ADARB2: variants seen among roughly 807,000 people sequenced by gnomAD.
ADARB2 encodes inactive double-stranded RNA-specific editase B2.
In ADARB2, 25 loss-of-function variants were observed where a neutral mutation model predicts 62.2. The ratio of observed to expected loss-of-function variants is 0.40; its 90% CI spans 0.29 to 0.56. ADARB2 has a LOEUF of 0.56. Among genes scored for constraint, ADARB2 ranks in the 20% least tolerant of loss-of-function variants. The pLI, the probability that ADARB2 is intolerant of heterozygous loss-of-function variation, is 0.43. For synonymous variants in ADARB2, 572 were observed against 500.8 expected, an observed-to-expected ratio of 1.14 and a Z score of -1.90; for missense variants, 1,071 against 1,077.4, an observed-to-expected ratio of 0.99 and a Z score of 0.08.
At chr10:1,362,985 C>T in intron 3 of ADARB2, 43 bp downstream of exon 3, 1 of 1,285,842 alleles carries the variant, frequency 7.8e-7, no homozygotes, top group Non-Finnish European at 9.9e-7. Flanking sequence ...TCCCCCGCGC[C>T]CCCAGCGCCG....
intron 1 of ADARB2, among the ~76,000 whole-genome samples, chr10:1,443,618 T>C (rs905000393): frequency 1.3e-5 from 2 of 152,168 alleles, no homozygotes; most frequent in Non-Finnish European, 2.9e-5. Context: ...TTTAAGACTA[T>C]TAAGACATTA....
intron 1 of ADARB2, among the ~76,000 whole-genome samples, chr10:1,578,146 C>G (rs1335886227): frequency 6.6e-6 from 1 of 152,172 alleles, no homozygotes. Flanking sequence ...CTTCACCACC[C>G]CATAGGATGG....
At chr10:1,687,289 G>A (rs926467014) in intron 1 of ADARB2, among the ~76,000 whole-genome samples, 7 of 152,156 alleles carry the variant, frequency 4.6e-5, no homozygotes, top group Non-Finnish European at 7.3e-5. Context: ...GCCTCCCAAA[G>A]TGCTGGGATT....
chr10:1,354,951 G>A (rs961407154), intron 3 of ADARB2, among the ~76,000 whole-genome samples: 4 of 152,166 alleles, frequency 2.6e-5, no homozygotes, highest in African/African-American at 4.8e-5. Flanking sequence ...TACCCAAGGC[G>A]GCACCAGCCC....
chr10:1,271,102 G>A, intron 3 of ADARB2, 33 bp from the exon 4 acceptor site: 3 of 1,579,584 alleles, frequency 1.9e-6, no homozygotes, highest in Non-Finnish European at 2.6e-6. Flanking sequence ...TCCACGTTGG[G>A]CTGAGCAGGT....
chr10:1,723,800 C>A (rs1480951701), intron 1 of ADARB2, among the ~76,000 whole-genome samples: 1 of 152,178 alleles, frequency 6.6e-6, no homozygotes, highest in Non-Finnish European at 1.5e-5. Flanking sequence ...GCAAAGACAT[C>A]AAGGGGAACC....
chr10:1,566,037 TCTC>T (rs2131989149), intron 1 of ADARB2, among the ~76,000 whole-genome samples: 1 of 143,164 alleles, frequency 7.0e-6, no homozygotes, highest in Admixed American at 7.1e-5. Flanking sequence ...CATCGTTACT[TCTC>T]CTCTAGGTTG....
At chr10:1,399,592 A>G (rs112677495) in intron 1 of ADARB2, among the ~76,000 whole-genome samples, 2,897 of 152,268 alleles carry the variant, frequency 0.019, 40 homozygotes, top group Middle Eastern at 0.044. Flanking sequence ...GTGCTGAGAT[A>G]CAAGAGGGGG....
Position 1,478,321 on chromosome 10 carries a change from G to A in ADARB2, c.101-99161C>T, listed in dbSNP as rs140887752. Among the ~76,000 whole-genome samples, 47 of 152,318 alleles carry A rather than the reference G, an allele frequency of 3.1e-4. 1 individual carries two copies. The East Asian group carries it at 6.6e-3, about 21-fold the overall frequency. On this transcript the variant is annotated intron_variant, in intron 1 of 9. Transcript: ENST00000381312. The stretch of plus-strand genomic sequence containing the variant: ...TGGGTCTTCTGTGTCTCAACCTGGC[G>A]TTGGCACACGGCATGGAGGTTTCCA...
chr10:1,592,150 T>C (rs1003294612), intron 1 of ADARB2, among the ~76,000 whole-genome samples: 11 of 152,206 alleles, frequency 7.2e-5, no homozygotes, highest in Non-Finnish European at 1.2e-4. Context: ...ACACCCAGGA[T>C]GGGATAAAAT....
intron 7 of ADARB2, 151 bp downstream of exon 7, chr10:1,216,800 T>C (rs1830628403): frequency 9.7e-7 from 1 of 1,034,300 alleles, no homozygotes; most frequent in East Asian, 2.7e-5. Context: ...ACATGTGGAA[T>C]GGCTGTGGAG....
intron 1 of ADARB2, among the ~76,000 whole-genome samples, chr10:1,563,798 AG>A (rs1279160397): frequency 9.1e-6 from 1 of 110,296 alleles, no homozygotes; most frequent in Non-Finnish European, 1.8e-5. Context: ...ACCCCACAAC[AG>A]TCCTCAGAGT....
At chr10:1,676,594 C>T (rs572662814) in intron 1 of ADARB2, among the ~76,000 whole-genome samples, 2 of 152,206 alleles carry the variant, frequency 1.3e-5, no homozygotes, top group Admixed American at 6.5e-5. Flanking sequence ...TGGGCTCAAG[C>T]AATCCTCCTA....
chr10:1,292,620 G>T (rs1207139371), intron 3 of ADARB2: 1 of 152,200 alleles, frequency 6.6e-6, no homozygotes, highest in East Asian at 1.9e-4. Context: ...ATCTTGCTGG[G>T]TCTTGTCACT....
At chr10:1,517,473 G>A (rs1832020326) in intron 1 of ADARB2, among the ~76,000 whole-genome samples, 1 of 152,174 alleles carries the variant, frequency 6.6e-6, no homozygotes, top group South Asian at 2.1e-4. Flanking sequence ...GGTTCAGTAA[G>A]TCAGCTCTTG....
chr10:1,729,068 G>A (rs1031450861), intron 1 of ADARB2, among the ~76,000 whole-genome samples: 23 of 152,198 alleles, frequency 1.5e-4, no homozygotes, highest in African/African-American at 5.3e-4. Context: ...CATGTATTTT[G>A]GATTGAAAAC....
intron 4 of ADARB2, among the ~76,000 whole-genome samples, chr10:1,256,676 G>A (rs1390152357): frequency 6.6e-6 from 1 of 152,106 alleles, no homozygotes; most frequent in Non-Finnish European, 1.5e-5. Flanking sequence ...CACTGCAAGG[G>A]TTTCACTGGA....
intron 3 of ADARB2, among the ~76,000 whole-genome samples, chr10:1,271,344 AAC>A (rs1311063729): frequency 6.6e-6 from 1 of 152,324 alleles, no homozygotes; most frequent in Non-Finnish European, 1.5e-5. Context: ...TCCCCATGGA[AAC>A]AGTGTCTACT....
At chr10:1,690,919 G>A (rs935381153) in intron 1 of ADARB2, among the ~76,000 whole-genome samples, 4 of 152,206 alleles carry the variant, frequency 2.6e-5, no homozygotes, top group South Asian at 2.1e-4. Context: ...CCCTGTGCCC[G>A]GCAGTCTGAT....
Sources: gnomAD v4.1 joint callset for allele counts (sites outside exome capture counted in the v4.1 genomes callset) on GRCh38, gnomAD v4.1.1 for gene constraint, MANE v1.5 for transcripts, NCBI Gene and HGNC (gene_info 2026-07-23, HGNC 2026-07-21) for gene names.